Variants in RBFOX1 observed in about 807,000 individuals in gnomAD.
RBFOX1 encodes RNA binding protein fox-1 homolog 1.
RBFOX1 carries 8 observed loss-of-function variants against 57.7 expected under a neutral mutation model. The ratio of observed to expected loss-of-function variants is 0.14; its 90% CI spans 0.08 to 0.25. The LOEUF (loss-of-function observed/expected upper bound fraction) is 0.25, where lower values mean the gene tolerates loss of function less well. Among genes scored for constraint, RBFOX1 ranks in the 10% least tolerant of loss-of-function variants. RBFOX1 has a pLI of 1.00. For synonymous variants in RBFOX1, 326 were observed against 222.4 expected, an observed-to-expected ratio of 1.47 and a Z score of -4.15; for missense variants, 611 against 548.5, an observed-to-expected ratio of 1.11 and a Z score of -1.14.
In RBFOX1 at chr16:6,839,096, C is replaced by T. The variant is rs570906687; in HGVS notation, c.-16+184446C>T. Among the ~76,000 whole-genome samples the T allele has an allele frequency of 1.7e-4, 26 of 151,884 alleles. No individual in the cohort carries two copies. The South Asian group carries it at 3.5e-3, about 21-fold the overall frequency. On this transcript the variant is annotated intron_variant, in intron 3 of 15. Coordinates refer to ENST00000550418, the MANE Select transcript of RBFOX1 (RefSeq NM_018723.4). ...GCCTCCTGGGTTCAAGTGATTCTCC[C>T]GCCTCAGCCTCCCAAGTAGGTGAGA...
At chr16:7,198,499 T>G (rs1274276220) in intron 4 of RBFOX1, among the ~76,000 whole-genome samples, 1 of 152,140 alleles carries the variant, frequency 6.6e-6, no homozygotes, top group Admixed American at 6.5e-5. Context: ...AGTGTTTTAG[T>G]TTGTTTTGTG....
chr16:5,601,867 A>C (rs2047376146), downstream of RBFOX1, among the ~76,000 whole-genome samples: 2 of 152,206 alleles, frequency 1.3e-5, no homozygotes. Context: ...AATAGTGCCT[A>C]TGCCTGCTAG....
At chr16:6,849,193 A>T (rs73536540) in intron 3 of RBFOX1, among the ~76,000 whole-genome samples, 1,992 of 152,308 alleles carry the variant, frequency 0.013, 53 homozygotes, top group African/African-American at 0.046. Flanking sequence ...GTAGAGGAAA[A>T]ATTATCCACC....
At chr16:7,220,522 C>T (rs2092644707) in intron 4 of RBFOX1, among the ~76,000 whole-genome samples, 2 of 152,162 alleles carry the variant, frequency 1.3e-5, no homozygotes, top group Admixed American at 6.5e-5. Context: ...GTGATTTCTG[C>T]CTTATGTGCC....
chr16:7,007,649 T>C (rs1262274789), intron 3 of RBFOX1, among the ~76,000 whole-genome samples: 3 of 152,182 alleles, frequency 2.0e-5, no homozygotes, highest in Admixed American at 6.5e-5. Flanking sequence ...TTTCTACTCT[T>C]TCTTGTTTGG....
chr16:5,416,882 CATCCTGCCT>C (rs2067175571), intron 1 of RBFOX1, among the ~76,000 whole-genome samples: 1 of 152,238 alleles, frequency 6.6e-6, no homozygotes, highest in South Asian at 2.1e-4. Flanking sequence ...TAACCCAGCC[CATCCTGCCT>C]ATCTGATAGA....
At chr16:7,565,477 C>G (rs895257707) in intron 5 of RBFOX1, among the ~76,000 whole-genome samples, 14 of 152,178 alleles carry the variant, frequency 9.2e-5, no homozygotes, top group Non-Finnish European at 8.8e-5. Flanking sequence ...AGCCCATGCT[C>G]TGCCCTGCTA....
At position 6,211,824 on chromosome 16, in the gene RBFOX1, A is replaced by T. The variant is rs115075992; in HGVS notation, c.-126-105171A>T. Among the ~76,000 whole-genome samples the T allele has an allele frequency of 5.3e-3, 464 of 86,880 alleles. 5 individuals carry two copies. Among genetic ancestry groups the T allele is most frequent in the African/African-American group, 0.02 (444 of 21,796 alleles). The allele number at this position is 86,880 out of a possible 152,430, so 57.0% of individuals were successfully genotyped here. A position where few individuals can be genotyped will look rare whatever the true frequency, so the allele number is the denominator to read the frequency against. ...ATCCACTTAAAGGAATACATCTTTT[A>T]TTTATTTATTTATTTATTTATTTAT... On this transcript the variant is annotated intron_variant, in intron 1 of 15. Transcript: ENST00000550418.
intron 10 of RBFOX1, among the ~76,000 whole-genome samples, chr16:7,621,998 T>C (rs1189510264): frequency 6.6e-6 from 1 of 152,236 alleles, no homozygotes; most frequent in Non-Finnish European, 1.5e-5. Context: ...CAATTTTCAC[T>C]AGTCAAATGT....
At chr16:5,282,747 C>G (rs182232114) in intron 1 of RBFOX1, among the ~76,000 whole-genome samples, 27 of 152,250 alleles carry the variant, frequency 1.8e-4, no homozygotes, top group Non-Finnish European at 1.8e-4. Flanking sequence ...TAAAGGCACT[C>G]AGTTTTATAA....
chr16:6,501,361 A>T (rs1312667050), intron 2 of RBFOX1, among the ~76,000 whole-genome samples: 2 of 134,814 alleles, frequency 1.5e-5, no homozygotes, highest in Non-Finnish European at 3.1e-5. Flanking sequence ...TCACTGTTCA[A>T]TTCCCACCTA....
At chr16:5,548,867 G>T (rs147870167) in intron 2 of RBFOX1, among the ~76,000 whole-genome samples, 9 of 152,236 alleles carry the variant, frequency 5.9e-5, no homozygotes, top group African/African-American at 2.2e-4. Flanking sequence ...TGGGGCCAAG[G>T]ATGAGGAAGA....
intron 10 of RBFOX1, among the ~76,000 whole-genome samples, chr16:7,628,849 G>A (rs1596830601): frequency 2.6e-5 from 4 of 152,106 alleles, no homozygotes; most frequent in Admixed American, 2.6e-4. Context: ...CTAACCTCAG[G>A]TGATCTACCT....
At chr16:5,814,821 C>T (rs953977371) in intron 3 of RBFOX1, among the ~76,000 whole-genome samples, 4 of 151,964 alleles carry the variant, frequency 2.6e-5, no homozygotes, top group East Asian at 1.9e-4. Flanking sequence ...CCCAGCTACT[C>T]GGGAGGCTGA....
chr16:7,295,963 A>G (rs879584669), intron 4 of RBFOX1, among the ~76,000 whole-genome samples: 6 of 152,180 alleles, frequency 3.9e-5, no homozygotes, highest in South Asian at 2.1e-4. Context: ...CTGTGGGGGT[A>G]AAGAGAATAG....
At chr16:6,885,412 C>A (rs541237841) in intron 3 of RBFOX1, among the ~76,000 whole-genome samples, 1 of 152,184 alleles carries the variant, frequency 6.6e-6, no homozygotes, top group Non-Finnish European at 1.5e-5. Context: ...TTTACAAAAC[C>A]CATTTTAATA....
intron 1 of RBFOX1, among the ~76,000 whole-genome samples, chr16:5,282,294 C>A (rs938247175): frequency 4.6e-5 from 7 of 152,180 alleles, no homozygotes; most frequent in Non-Finnish European, 1.0e-4. Context: ...TGTAAATTTC[C>A]CAGTCTTGAA....
chr16:6,141,193 C>G (rs1487638142), intron 1 of RBFOX1, among the ~76,000 whole-genome samples: 1 of 152,210 alleles, frequency 6.6e-6, no homozygotes, highest in African/African-American at 2.4e-5. Context: ...TCACCATGGC[C>G]GCTGCTTTTG....
intron 3 of RBFOX1, among the ~76,000 whole-genome samples, chr16:5,846,172 G>T (rs1010764893): frequency 6.7e-5 from 10 of 149,852 alleles, no homozygotes; most frequent in Non-Finnish European, 1.2e-4. Flanking sequence ...ACAGAGTGAG[G>T]CACTGTCTTA....
Sources: allele counts gnomAD v4.1 joint callset (sites outside exome capture counted in the v4.1 genomes callset), GRCh38; gene constraint gnomAD v4.1.1; transcripts MANE v1.5; gene names NCBI Gene and HGNC (gene_info 2026-07-23, HGNC 2026-07-21).